Variants in CADM2 observed in about 807,000 individuals in gnomAD.
CADM2 encodes the protein cell adhesion molecule 2.
In CADM2, 12 loss-of-function variants were observed where a neutral mutation model predicts 49.8. The observed-to-expected ratio is 0.24, with a 90% CI of 0.15 to 0.39. CADM2 has a LOEUF of 0.39. CADM2 is among the 10% of genes least tolerant of loss of function. The pLI is 1.00. For synonymous variants in CADM2, 214 were observed against 175.4 expected (o/e 1.22, Z -1.74); for missense variants, 378 against 492.3 (o/e 0.77, Z 2.20).
intron 3 of CADM2, among the ~76,000 whole-genome samples, chr3:85,840,375 C>T (rs945294909): frequency 8.6e-5 from 13 of 151,964 alleles, no homozygotes; most frequent in Admixed American, 3.3e-4. Context: ...TCACCAAAAG[C>T]GGTCACCTAA....
At chr3:85,532,236 G>A (rs17516284) in intron 1 of CADM2, among the ~76,000 whole-genome samples, 77,929 of 151,932 alleles carry the variant, frequency 0.51, 23,056 homozygotes, top group East Asian at 0.85. Context: ...TTTGATGGCA[G>A]TATTGAGGAA....
rs192628700 is a variant in CADM2 at position 85,523,775 on chromosome 3, T to C, written c.62-202747T>C. On this transcript the variant is annotated intron_variant, in intron 1 of 9. Coordinates refer to ENST00000383699, the MANE Select transcript of CADM2 (RefSeq NM_001167675.2). ...TTTTTACTGCAACACATTATTAAAGTATAGAACAATATGGGGTCTATAATG... is the reference window on the plus strand; with the variant it reads ...TTTTTACTGCAACACATTATTAAAGCATAGAACAATATGGGGTCTATAATG... 1.3e-3 allele frequency among the ~76,000 whole-genome samples: 204 copies of C among 152,200 alleles called. 4 individuals are homozygous for C. Among genetic ancestry groups the C allele is most frequent in the Admixed American group, 0.013 (203 of 15,272 alleles).
intron 2 of CADM2, among the ~76,000 whole-genome samples, chr3:85,748,960 A>C (rs1222301479): frequency 6.6e-6 from 1 of 152,102 alleles, no homozygotes; most frequent in African/African-American, 2.4e-5. Context: ...GTTGAAAGCT[A>C]CAAGATATCA....
intron 1 of CADM2, among the ~76,000 whole-genome samples, chr3:85,608,932 A>C (rs149276413): frequency 6.6e-6 from 1 of 152,274 alleles, no homozygotes; most frequent in African/African-American, 2.4e-5. Context: ...GAAATAAGTA[A>C]GATTCAAGTC....
chr3:85,005,270 C>T lies in CADM2; in HGVS notation c.61+45602C>T, dbSNP rs552562036. On this transcript the variant is annotated intron_variant, in intron 1 of 9. Transcript: ENST00000383699. The stretch of plus-strand genomic sequence containing the variant: ...TGCTACTTTAGCAGGAAAACAGCCA[C>T]AAATAATGTGTAAAATGATGGGTGT... Among the ~76,000 whole-genome samples the T allele has an allele frequency of 3.3e-5, 5 of 152,218 alleles. No individual in the cohort carries two copies. The East Asian group carries it at 9.7e-4, about 29-fold the overall frequency.
Position 85,883,307 on chromosome 3 carries a change from G to A in CADM2, c.255G>A (p.Arg85=), listed in dbSNP as rs1713087508. The A allele has an allele frequency of 6.2e-7, 1 of 1,612,740 alleles. No homozygotes were observed. The highest frequency in any genetic ancestry group is 1.1e-5 in the South Asian group (1 of 90,878). Reference sequence around the variant, plus strand: ...TCTTTCCAGCTTTAAGGGACAATAGGATCGAGCTGGTTCGCGCTTCCTGGC... The same window carrying A: ...TCTTTCCAGCTTTAAGGGACAATAGAATCGAGCTGGTTCGCGCTTCCTGGC... ...FDDKKALRDN[R]IELVRASWHE... The change falls in exon 4 of 10, where the codon AGG becomes AGA. Residue 85 remains arginine (R), a synonymous_variant. Transcript: ENST00000383699.
At chr3:85,390,767 C>A (rs990781710) in intron 1 of CADM2, among the ~76,000 whole-genome samples, 4 of 152,048 alleles carry the variant, frequency 2.6e-5, no homozygotes, top group Admixed American at 2.6e-4. Flanking sequence ...CAAGTCTCAA[C>A]TAGCTTCAAA....
intron 1 of CADM2, among the ~76,000 whole-genome samples, chr3:84,963,288 T>C (rs1346171403): frequency 1.3e-5 from 2 of 152,186 alleles, no homozygotes; most frequent in Non-Finnish European, 2.9e-5. Flanking sequence ...AAGTCCTCTC[T>C]TGGCTATACA....
At chr3:85,734,976 A>ATG (rs760487519) in intron 2 of CADM2, among the ~76,000 whole-genome samples, 94 of 113,648 alleles carry the variant, frequency 8.3e-4, no homozygotes, top group Middle Eastern at 4.2e-3. Flanking sequence ...AGAAATATAT[A>ATG]TATGTGTGTG....
At chr3:85,247,301 C>G (rs1269653822) in intron 1 of CADM2, among the ~76,000 whole-genome samples, 1 of 151,976 alleles carries the variant, frequency 6.6e-6, no homozygotes, top group South Asian at 2.1e-4. Context: ...AATATTTACT[C>G]TAACATTAGT....
intron 1 of CADM2, among the ~76,000 whole-genome samples, chr3:85,394,124 G>A (rs1050950026): frequency 6.6e-6 from 1 of 152,084 alleles, no homozygotes; most frequent in Non-Finnish European, 1.5e-5. Flanking sequence ...ATGCATAGCC[G>A]AAAACTGTGT....
intron 1 of CADM2, among the ~76,000 whole-genome samples, chr3:85,371,805 T>G (rs2033261497): frequency 6.6e-6 from 1 of 150,424 alleles, no homozygotes; most frequent in Middle Eastern, 3.2e-3. Flanking sequence ...GGCTAACTTT[T>G]TGTATACTTG....
At chr3:85,577,237 C>G (rs1311946585) in intron 1 of CADM2, among the ~76,000 whole-genome samples, 2 of 151,982 alleles carry the variant, frequency 1.3e-5, no homozygotes, top group Non-Finnish European at 2.9e-5. Context: ...TGAACGTGTC[C>G]CCCGGAGTTC....
intron 1 of CADM2, among the ~76,000 whole-genome samples, chr3:85,485,139 T>C (rs1346345728): frequency 6.6e-6 from 1 of 151,930 alleles, no homozygotes; most frequent in African/African-American, 2.4e-5. Flanking sequence ...ATTCAATATA[T>C]ATTTAGTGAG....
intron 3 of CADM2, among the ~76,000 whole-genome samples, chr3:85,860,393 T>C (rs970824397): frequency 1.3e-5 from 2 of 150,080 alleles, no homozygotes; most frequent in African/African-American, 5.0e-5. Flanking sequence ...ATCTGCTATA[T>C]GGAGGGAAAA....
chr3:85,928,283 C>T (rs1559748002), intron 6 of CADM2, among the ~76,000 whole-genome samples: 2 of 151,634 alleles, frequency 1.3e-5, no homozygotes, highest in African/African-American at 2.4e-5. Context: ...CTCAGCCTCT[C>T]GAGTAGCTGG....
intron 3 of CADM2, among the ~76,000 whole-genome samples, chr3:85,861,864 T>C (rs1469656929): frequency 6.6e-6 from 1 of 151,978 alleles, no homozygotes; most frequent in African/African-American, 2.4e-5. Flanking sequence ...GCTAATAATA[T>C]CATAAATTAA....
rs149601227 is a variant in CADM2 at position 86,004,081 on chromosome 3, C to T, written c.970+42434C>T. ...GGAGTATTGATATTCTTTTATAACTCTACCACTGAGAAAGGAAGATAGTGG... is the reference window on the plus strand; with the variant it reads ...GGAGTATTGATATTCTTTTATAACTTTACCACTGAGAAAGGAAGATAGTGG... On this transcript the variant is annotated intron_variant, in intron 8 of 9. Transcript: ENST00000383699. Among the ~76,000 whole-genome samples, 1,271 of 152,152 alleles carry T rather than the reference C, an allele frequency of 8.4e-3. 18 individuals are homozygous for T. Among genetic ancestry groups the T allele is most frequent in the African/African-American group, 0.027 (1,120 of 41,502 alleles).
chr3:85,095,040 T>G (rs2037741993), intron 1 of CADM2, among the ~76,000 whole-genome samples: 2 of 152,180 alleles, frequency 1.3e-5, no homozygotes, highest in Non-Finnish European at 2.9e-5. Context: ...TTGGAACTAT[T>G]TATCTTTTCT....
Sources: gnomAD v4.1 joint callset for allele counts (sites outside exome capture counted in the v4.1 genomes callset) on GRCh38, gnomAD v4.1.1 for gene constraint, MANE v1.5 for transcripts, NCBI Gene and HGNC (gene_info 2026-07-23, HGNC 2026-07-21) for gene names.